SLC8A3: variants seen among roughly 807,000 people sequenced by gnomAD.
SLC8A3 encodes the protein sodium/calcium exchanger 3.
SLC8A3 carries 37 observed loss-of-function variants against 65.4 expected under a neutral mutation model. The observed-to-expected ratio is 0.57, with a 90% CI of 0.44 to 0.74. The LOEUF is 0.74. Ranked by LOEUF, SLC8A3 falls within the 30% of genes least tolerant of loss-of-function variation. The pLI is 0.00. For missense variants in SLC8A3, 1,112 were observed against 1,172.1 expected (o/e 0.95, Z 0.75); for synonymous variants, 461 against 444.5 (o/e 1.04, Z -0.47).
At chr14:70,068,179 C>CT (rs2139888106) in intron 2 of SLC8A3, among the ~76,000 whole-genome samples, 1 of 152,294 alleles carries the variant, frequency 6.6e-6, no homozygotes, top group East Asian at 1.9e-4. Flanking sequence ...CCTCAGGGTG[C>CT]TGCAAAGGGG....
At chr14:70,076,730 A>G (rs1333442266) in intron 2 of SLC8A3, among the ~76,000 whole-genome samples, 1 of 152,256 alleles carries the variant, frequency 6.6e-6, no homozygotes, top group African/African-American at 2.4e-5. Flanking sequence ...ATGCATGAAA[A>G]TAGTCATCTT....
Position 70,167,276 on chromosome 14 carries a change from T to G in SLC8A3, c.1147A>C (p.Met383Leu). The change falls in exon 2 of 7, where the codon ATG (methionine) becomes CTG (leucine). Residue 383 changes from methionine (M) to leucine (L), a missense_variant. Met to Leu is a conservative substitution (Grantham distance 15). Coordinates refer to ENST00000356921, the MANE Select transcript of SLC8A3 (RefSeq NM_182932.3). ...AAEQAKKASS[M>L]SEVHTDEPED... ...GGCTCATCGGTGTGCACCTCGCTCA[T>G]GCTGGAGGCCTTCTTGGCTTGTTCT... The G allele has an allele frequency of 1.2e-6, 2 of 1,614,242 alleles. No homozygotes were observed. The highest frequency in any genetic ancestry group is 1.7e-6 in the Non-Finnish European group (2 of 1,180,038).
chr14:70,095,508 G>A (rs148251022), intron 2 of SLC8A3, among the ~76,000 whole-genome samples: 4 of 152,306 alleles, frequency 2.6e-5, no homozygotes, highest in African/African-American at 7.2e-5. Context: ...CCACAACAGC[G>A]GCTTCCTTCC....
At chr14:70,060,546 A>G in intron 3 of SLC8A3, 1 of 520,336 alleles carries the variant, frequency 1.9e-6, no homozygotes, top group Non-Finnish European at 3.6e-6. Context: ...GAAATAACTC[A>G]TTAGGGTAAT....
chr14:70,179,942 G>T (rs1594820291), intron 1 of SLC8A3, among the ~76,000 whole-genome samples: 1 of 152,196 alleles, frequency 6.6e-6, no homozygotes. Flanking sequence ...AATGCCAGAG[G>T]TCTCCTTTCA....
chr14:70,102,732 A>C (rs1892621928), intron 2 of SLC8A3, among the ~76,000 whole-genome samples: 2 of 152,154 alleles, frequency 1.3e-5, no homozygotes, highest in South Asian at 4.1e-4. Context: ...AGTGAACATT[A>C]ATAGAGATCA....
chr14:70,070,660 A>G (rs1391093939), intron 2 of SLC8A3, among the ~76,000 whole-genome samples: 1 of 152,196 alleles, frequency 6.6e-6, no homozygotes, highest in East Asian at 1.9e-4. Context: ...ATACCATTCC[A>G]TCAGGGAGAT....
chr14:70,121,817 T>A (rs932937783), intron 2 of SLC8A3, among the ~76,000 whole-genome samples: 8 of 141,224 alleles, frequency 5.7e-5, no homozygotes, highest in African/African-American at 1.5e-4. Context: ...TTTCAAAAAT[T>A]TTACATTTTT....
intron 2 of SLC8A3, among the ~76,000 whole-genome samples, chr14:70,096,141 C>T (rs1892163985): frequency 6.6e-6 from 1 of 152,140 alleles, no homozygotes; most frequent in African/African-American, 2.4e-5. Flanking sequence ...TTTGGGCTCC[C>T]AAAATGTTCG....
intron 2 of SLC8A3, among the ~76,000 whole-genome samples, chr14:70,159,570 A>G (rs980402706): frequency 3.3e-5 from 5 of 152,038 alleles, no homozygotes; most frequent in Non-Finnish European, 5.9e-5. Flanking sequence ...CCATCCAAAA[A>G]CCTTTGGGAA....
chr14:70,136,258 C>G (rs1895192316), intron 2 of SLC8A3, among the ~76,000 whole-genome samples: 1 of 152,132 alleles, frequency 6.6e-6, no homozygotes, highest in Non-Finnish European at 1.5e-5. Context: ...TTCTCCTCTA[C>G]AGGTTTTGGA....
chr14:70,108,927 T>C (rs1213290376), intron 2 of SLC8A3, among the ~76,000 whole-genome samples: 1 of 152,200 alleles, frequency 6.6e-6, no homozygotes, highest in African/African-American at 2.4e-5. Flanking sequence ...GACTGCTCTT[T>C]CACCAATATC....
chr14:70,178,172 G>A (rs1882402116), intron 1 of SLC8A3, among the ~76,000 whole-genome samples: 1 of 152,152 alleles, frequency 6.6e-6, no homozygotes, highest in Admixed American at 6.5e-5. Flanking sequence ...GAAAGCTGAA[G>A]GAATCAACAC....
intron 5 of SLC8A3, among the ~76,000 whole-genome samples, chr14:70,050,504 G>A (rs1179177309): frequency 6.6e-6 from 1 of 152,154 alleles, no homozygotes; most frequent in Non-Finnish European, 1.5e-5. Context: ...ACTACTGAGG[G>A]AGCCTGTCAG....
At chr14:70,124,581 T>C (rs1197015348) in intron 2 of SLC8A3, among the ~76,000 whole-genome samples, 1 of 152,268 alleles carries the variant, frequency 6.6e-6, no homozygotes, top group Non-Finnish European at 1.5e-5. Flanking sequence ...TATAGTCTTT[T>C]GTGCAAAAAC....
chr14:70,114,056 C>T (rs1893490259), intron 2 of SLC8A3, among the ~76,000 whole-genome samples: 2 of 152,184 alleles, frequency 1.3e-5, no homozygotes, highest in South Asian at 4.2e-4. Context: ...ATCCCTTTTA[C>T]CTTCTTCCCC....
chr14:70,161,901 G>C (rs1482372820), intron 2 of SLC8A3, among the ~76,000 whole-genome samples: 1 of 152,248 alleles, frequency 6.6e-6, no homozygotes, highest in Non-Finnish European at 1.5e-5. Context: ...GGAATGGTCT[G>C]CATTATTTTG....
chr14:70,180,337 C>A (rs1056905093), intron 1 of SLC8A3, among the ~76,000 whole-genome samples: 2 of 152,200 alleles, frequency 1.3e-5, no homozygotes, highest in African/African-American at 2.4e-5. Flanking sequence ...TAAAACCTGG[C>A]GAGCAGTCAA....
At chr14:70,101,615 T>C (rs1220720087) in intron 2 of SLC8A3, among the ~76,000 whole-genome samples, 1 of 152,196 alleles carries the variant, frequency 6.6e-6, no homozygotes, top group Non-Finnish European at 1.5e-5. Flanking sequence ...GTTTGTATTT[T>C]TAAAATGATC....
Sources: gnomAD v4.1 joint callset for allele counts (sites outside exome capture counted in the v4.1 genomes callset) on GRCh38, gnomAD v4.1.1 for gene constraint, MANE v1.5 for transcripts, NCBI Gene and HGNC (gene_info 2026-07-23, HGNC 2026-07-21) for gene names.